The following ADGRV1 variants were observed in gnomAD, a reference collection of about 807,000 sequenced individuals.
ADGRV1 encodes G-protein coupled receptor 98.
Under a neutral mutation model 596.2 loss-of-function variants are expected in ADGRV1, and 359 were observed. That is an observed-to-expected ratio of 0.60 (90% CI 0.55 to 0.66). The LOEUF is 0.66. Among genes scored for constraint, ADGRV1 ranks in the 30% least tolerant of loss-of-function variants. The pLI is 0.00. For synonymous variants in ADGRV1, 2,681 were observed against 2,679.2 expected, an observed-to-expected ratio of 1.00 and a Z score of -0.02; for missense variants, 7,274 against 7,575.6, an observed-to-expected ratio of 0.96 and a Z score of 1.48.
intron 11 of ADGRV1, 109 bp from the exon 12 acceptor site, chr5:90,642,527 C>A: frequency 8.7e-7 from 1 of 1,153,174 alleles, no homozygotes; most frequent in Non-Finnish European, 1.2e-6. Context: ...TTCCTCATAG[C>A]CTTCCTTTTC....
rs1306532559 is a variant in ADGRV1 at position 90,643,722 on chromosome 5, A to G, written c.2554-81A>G. The G allele has an allele frequency of 2.8e-6, 3 of 1,063,644 alleles. No individual in the cohort carries two copies. The African/African-American group carries it at 4.8e-5, about 17-fold the overall frequency. The allele number at this position is 1,063,644 out of a possible 1,614,324, so 65.9% of individuals were successfully genotyped here. On this transcript the variant is annotated intron_variant, in intron 13 of 89. Coordinates refer to ENST00000405460, the MANE Select transcript of ADGRV1 (RefSeq NM_032119.4). The stretch of plus-strand genomic sequence containing the variant: ...TGCTTCTGAAACTTTGAGTATATTA[A>G]TATTCTTGAATATTTATGTTTTTAA...
At chr5:90,686,391 A>T (rs535513842) in intron 29 of ADGRV1, among the ~76,000 whole-genome samples, 1 of 152,010 alleles carries the variant, frequency 6.6e-6, no homozygotes, top group African/African-American at 2.4e-5. Flanking sequence ...CAGTCCCCAG[A>T]GTGTGATGTT....
intron 83 of ADGRV1, among the ~76,000 whole-genome samples, chr5:90,894,612 C>T (rs1188094341): frequency 6.6e-6 from 1 of 152,180 alleles, no homozygotes; most frequent in Admixed American, 6.5e-5. Context: ...ACAGCAGTCA[C>T]CGACTCTGCA....
intron 34 of ADGRV1, among the ~76,000 whole-genome samples, chr5:90,702,722 AAAAC>A (rs1035421668): frequency 5.0e-4 from 76 of 152,140 alleles, no homozygotes; most frequent in African/African-American, 1.8e-3. Context: ...TAACTGAACT[AAAAC>A]TAACTAAAAG....
chr5:90,619,155 GCATTTGGAATTATTT>G lies in ADGRV1; in HGVS notation c.433_447del (p.Gly145_Phe149del). On this transcript the variant is annotated inframe_deletion, in exon 4 of 90. Coordinates refer to ENST00000405460, the MANE Select transcript of ADGRV1 (RefSeq NM_032119.4). The stretch of plus-strand genomic sequence containing the variant: ...TGTGACAATATTATCAAATGACAAT[GCATTTGGAATTATTT>G]CATTTAATATGGTATGGACACAATT... 6.8e-7 allele frequency: 1 copy of G among 1,474,182 alleles called. No individual in the cohort carries two copies. The highest frequency in any genetic ancestry group is 9.1e-7 in the Non-Finnish European group (1 of 1,098,382). 91.3% of individuals were successfully genotyped at this position (1,474,182 alleles called of 1,614,324 possible). A position where few individuals can be genotyped will look rare whatever the true frequency, so the allele number is the denominator to read the frequency against.
At chr5:91,153,507 C>T in intron 89 of ADGRV1, 109 bp downstream of exon 89, 1 of 654,962 alleles carries the variant, frequency 1.5e-6, no homozygotes. Context: ...CTTAGCACAT[C>T]CTGATTCTCA....
rs146339106 is a variant in ADGRV1, at chr5:90,638,612, A to G, written c.2240+664A>G. Among the ~76,000 whole-genome samples, 428 of 152,068 alleles carry G rather than the reference A, an allele frequency of 2.8e-3. 1 individual carries two copies. Among genetic ancestry groups the G allele is most frequent in the African/African-American group, 9.3e-3 (385 of 41,500 alleles). ...CTGTGTTTAATGATTTAATAATTCT[A>G]AAAAATCAGAATCAGTCTTATCCCT... On this transcript the variant is annotated intron_variant, in intron 11 of 89. Transcript: ENST00000405460.
intron 85 of ADGRV1, among the ~76,000 whole-genome samples, chr5:90,991,000 A>G (rs1419878520): frequency 6.6e-6 from 1 of 152,038 alleles, no homozygotes; most frequent in Non-Finnish European, 1.5e-5. Flanking sequence ...GGGTGGAAGT[A>G]AAGGGAATGT....
chr5:90,886,155 T>C (rs964730779), intron 83 of ADGRV1, among the ~76,000 whole-genome samples: 1 of 152,164 alleles, frequency 6.6e-6, no homozygotes, highest in African/African-American at 2.4e-5. Context: ...ATTGGCACTA[T>C]TTTATAGGAA....
At chr5:90,704,044 C>T (rs1459039681) in intron 35 of ADGRV1, among the ~76,000 whole-genome samples, 3 of 152,182 alleles carry the variant, frequency 2.0e-5, no homozygotes, top group African/African-American at 4.8e-5. Context: ...AGTGTCCCTG[C>T]AGCACTTGTC....
At chr5:90,728,521 G>C in intron 48 of ADGRV1, 148 bp from the exon 49 acceptor site, 1 of 688,984 alleles carries the variant, frequency 1.5e-6, no homozygotes, top group East Asian at 2.6e-5. Context: ...CAGCAAGGGA[G>C]CATCAGTTTT....
At chr5:90,992,986 T>G (rs187520107) in intron 85 of ADGRV1, among the ~76,000 whole-genome samples, 5 of 152,190 alleles carry the variant, frequency 3.3e-5, no homozygotes, top group Admixed American at 3.3e-4. Flanking sequence ...ACTAGGAAAT[T>G]AACAATGATA....
chr5:90,818,927 C>T (rs1296660166), intron 75 of ADGRV1, among the ~76,000 whole-genome samples: 1 of 150,870 alleles, frequency 6.6e-6, no homozygotes, highest in Non-Finnish European at 1.5e-5. Context: ...ATGCTGGCCT[C>T]ATAAAATGAG....
intron 84 of ADGRV1, among the ~76,000 whole-genome samples, chr5:90,974,766 A>G (rs937386896): frequency 4.6e-5 from 7 of 152,206 alleles, no homozygotes; most frequent in Admixed American, 2.0e-4. Context: ...AACCTAGGCA[A>G]TACCATTCAG....
intron 85 of ADGRV1, among the ~76,000 whole-genome samples, chr5:91,003,984 A>G (rs1457769732): frequency 6.6e-6 from 1 of 152,182 alleles, no homozygotes; most frequent in African/African-American, 2.4e-5. Context: ...CTGTAGGAAA[A>G]GAGAGGCCAT....
At chr5:91,161,078 G>T (rs557206501) in intron 89 of ADGRV1, among the ~76,000 whole-genome samples, 16 of 152,288 alleles carry the variant, frequency 1.1e-4, no homozygotes, top group Admixed American at 9.8e-4. Context: ...ACTGGGAGTT[G>T]GTACTAGTTA....
At chr5:90,600,525 G>T (rs1761268641) in intron 1 of ADGRV1, among the ~76,000 whole-genome samples, 1 of 152,142 alleles carries the variant, frequency 6.6e-6, no homozygotes, top group South Asian at 2.1e-4. Flanking sequence ...TGGTGTATAT[G>T]TGCCACATTG....
intron 85 of ADGRV1, among the ~76,000 whole-genome samples, chr5:91,054,537 C>T (rs1786664156): frequency 6.6e-6 from 1 of 152,096 alleles, no homozygotes; most frequent in African/African-American, 2.4e-5. Flanking sequence ...ATAATAGACA[C>T]TTATTTCTCT....
chr5:90,734,257 G>T (rs995061153), intron 50 of ADGRV1, among the ~76,000 whole-genome samples: 8 of 152,268 alleles, frequency 5.3e-5, no homozygotes, highest in Admixed American at 5.2e-4. Flanking sequence ...TTGACATACT[G>T]ATTTCAATTT....
Sources: gnomAD v4.1 joint callset for allele counts (sites outside exome capture counted in the v4.1 genomes callset) on GRCh38, gnomAD v4.1.1 for gene constraint, MANE v1.5 for transcripts, NCBI Gene and HGNC (gene_info 2026-07-23, HGNC 2026-07-21) for gene names.